The following HNRNPH1 variants were observed in gnomAD, a reference collection of about 807,000 sequenced individuals.
The protein encoded by HNRNPH1 is heterogeneous nuclear ribonucleoprotein H1, also known as heterogeneous nuclear ribonucleoprotein H.
In HNRNPH1, 4 loss-of-function variants were observed where a neutral mutation model predicts 58.6. That is an observed-to-expected ratio of 0.07 (90% CI 0.03 to 0.16). The LOEUF is 0.16. Among genes scored for constraint, HNRNPH1 ranks in the 10% least tolerant of loss-of-function variants. HNRNPH1 has a pLI of 1.00. For synonymous variants in HNRNPH1, 192 were observed against 189.2 expected (o/e 1.01, Z -0.12); for missense variants, 271 against 564.2 (o/e 0.48, Z 5.26).
chr5:179,620,829 AT>A (rs1165981295), intron 3 of HNRNPH1, 62 bp downstream of exon 4: 67 of 1,498,226 alleles, frequency 4.5e-5, no homozygotes, highest in Non-Finnish European at 6.1e-5. Flanking sequence ...TTTAACGTCT[AT>A]TAAATCACCT....
In HNRNPH1 at chr5:179,619,208, A is replaced by G. The variant is rs959789590; in HGVS notation, c.536+61T>C. 27 of 1,376,580 alleles carry G rather than the reference A, an allele frequency of 2.0e-5. No individual in the cohort carries two copies. In the African/African-American group the frequency reaches 3.4e-4, roughly 18 times the overall value. 85.3% of individuals were successfully genotyped at this position (1,376,580 alleles called of 1,614,324 possible). ...TAATTTCTTCTTTTAAGCAGAGAGA[A>G]TATGGATTTAATTGTTTACCATAAG... On this transcript the variant is annotated intron_variant, in intron 4 of 12. Transcript: ENST00000356731.
At chr5:179,634,781 G>A (rs1470748119) in exon 1 of HNRNPH1, 1 of 130,734 alleles carries the variant, frequency 7.6e-6, no homozygotes. Context: ...GGGGAACCGG[G>A]ACTGCCGTTG....
chr5:179,632,103 GA>G (rs1562373360), intron 2 of HNRNPH1, among the ~76,000 whole-genome samples: 1 of 151,874 alleles, frequency 6.6e-6, no homozygotes, highest in African/African-American at 2.4e-5. Flanking sequence ...TCAGGAGATC[GA>G]GACCATCCCG....
chr5:179,616,330 G>T, intron 10 of HNRNPH1, 112 bp from the exon 12 acceptor site: 1 of 854,448 alleles, frequency 1.2e-6, no homozygotes, highest in Non-Finnish European at 2.0e-6. Flanking sequence ...TTACATTACT[G>T]TAACCCTCTG....
intron 10 of HNRNPH1, chr5:179,616,473 G>A (rs1769742557): frequency 7.4e-6 from 4 of 539,070 alleles, no homozygotes; most frequent in Admixed American, 6.6e-5. Flanking sequence ...CGTAAGTAGA[G>A]GCATTTTGTG....
chr5:179,615,921 C>A, intron 11 of HNRNPH1: 1 of 530,594 alleles, frequency 1.9e-6, no homozygotes, highest in South Asian at 2.9e-5. Flanking sequence ...TGAAAATTAG[C>A]TAGTAAAAAC....
chr5:179,625,744 CTT>C (rs997304641), upstream of HNRNPH1, among the ~76,000 whole-genome samples: 10 of 150,626 alleles, frequency 6.6e-5, no homozygotes, highest in Non-Finnish European at 1.0e-4. Context: ...AATTGTCCAA[CTT>C]ATATTAAAAC....
At chr5:179,623,224 G>T (rs1358526370) in exon 1 of HNRNPH1, 2 of 881,580 alleles carry the variant, frequency 2.3e-6, no homozygotes, top group Non-Finnish European at 3.5e-6. Context: ...CGCCTCCGAG[G>T]CGCGCCCGGG....
In HNRNPH1 at chr5:179,616,861, A is replaced by G; in HGVS notation, c.1207+8T>C. 1 of 1,611,434 alleles carries G rather than the reference A, an allele frequency of 6.2e-7. No homozygotes were observed. The highest frequency in any genetic ancestry group is 1.3e-5 in the African/African-American group (1 of 74,960). On this transcript the variant is annotated splice_region_variant and intron_variant, in intron 10 of 12. Transcript: ENST00000356731. Reference sequence around the variant, plus strand: ...GTTTTGGTTTTTAAAAAAACTAACGATATTTACACAAGCCCATGCCTCCCA... The same window carrying G: ...GTTTTGGTTTTTAAAAAAACTAACGGTATTTACACAAGCCCATGCCTCCCA...
intron 3 of HNRNPH1, chr5:179,619,702 G>A (rs1771362993): frequency 1.4e-5 from 3 of 208,074 alleles, no homozygotes; most frequent in East Asian, 2.0e-4. Context: ...TTAATGTTGA[G>A]AATTATACAA....
chr5:179,622,687 G>C (rs1379874753), intron 1 of HNRNPH1, among the ~76,000 whole-genome samples: 1 of 152,132 alleles, frequency 6.6e-6, no homozygotes, highest in Non-Finnish European at 1.5e-5. Context: ...CTCCAGCTTG[G>C]GTGACAGAGA....
rs142832534 is a variant in HNRNPH1 at position 179,622,404 on chromosome 5, T to G, written c.97+633A>C. ...AGGAGGAAATCCCACCTATGCCAAT[T>G]TATCCTTTCGAAAAAAGACACCCGG... On this transcript the variant is annotated intron_variant, in intron 1 of 12. Transcript: ENST00000356731. Among the ~76,000 whole-genome samples the G allele has an allele frequency of 6.5e-4, 99 of 152,294 alleles. 1 individual carries two copies. The East Asian group carries it at 0.017, about 26-fold the overall frequency.
At chr5:179,617,745 G>A in intron 7 of HNRNPH1, 54 bp downstream of exon 8, 2 of 1,608,724 alleles carry the variant, frequency 1.2e-6, no homozygotes, top group East Asian at 2.2e-5. Flanking sequence ...TATAGAATAA[G>A]GCTGACTTAC....
At chr5:179,628,897 C>G (rs1351148048), upstream of HNRNPH1, among the ~76,000 whole-genome samples, 1 of 152,178 alleles carries the variant, frequency 6.6e-6, no homozygotes, top group Non-Finnish European at 1.5e-5. Flanking sequence ...GGGAGGATGG[C>G]TTGAACCCCA....
rs1464937323 is a variant in HNRNPH1, at chr5:179,623,179, G to A, written c.-46C>T. 7 of 1,422,210 alleles carry A rather than the reference G, an allele frequency of 4.9e-6. No homozygotes were observed. The highest frequency in any genetic ancestry group is 2.8e-5 in the African/African-American group (2 of 70,570). 88.1% of individuals were successfully genotyped at this position (1,422,210 alleles called of 1,614,324 possible). A position where few individuals can be genotyped will look rare whatever the true frequency, so the allele number is the denominator to read the frequency against. On this transcript the variant is annotated 5_prime_UTR_variant, in exon 1 of 13. Coordinates refer to ENST00000356731, the Ensembl canonical transcript of HNRNPH1. ...GTCGAAACAAACTGCAAAGCGGGGA[G>A]GACCAGAACTGAGAGCGCCAATTAA...
chr5:179,615,503 G>A (rs1166209026), intron 12 of HNRNPH1, 43 bp downstream of exon 13: 1 of 1,034,386 alleles, frequency 9.7e-7, no homozygotes, highest in Non-Finnish European at 1.5e-6. Context: ...CAACATATCA[G>A]TATTTGCTAT....
chr5:179,614,612 GAACTT>G lies in HNRNPH1; in HGVS notation c.*343_*347del, dbSNP rs1031337170. 2.0e-5 allele frequency: 7 copies of G among 352,874 alleles called. No individual in the cohort carries two copies. In the East Asian group the frequency reaches 2.8e-4, roughly 14 times the overall value. The allele number at this position is 352,874 out of a possible 1,614,324, so 21.9% of individuals were successfully genotyped here. A position where few individuals can be genotyped will look rare whatever the true frequency, so the allele number is the denominator to read the frequency against. On this transcript the variant is annotated 3_prime_UTR_variant, in exon 13 of 13. Transcript: ENST00000356731. ...CCTATAACTAACTTGAGAAAAGCTGGAACTTAAGTTTAACAGTTATAGTTTACTCA... is the reference window on the plus strand; with the variant it reads ...CCTATAACTAACTTGAGAAAAGCTGGAAGTTTAACAGTTATAGTTTACTCA...
intron 2 of HNRNPH1, among the ~76,000 whole-genome samples, chr5:179,632,174 G>A (rs191893494): frequency 6.6e-6 from 1 of 152,142 alleles, no homozygotes; most frequent in Non-Finnish European, 1.5e-5. Context: ...CGGGCGTGGT[G>A]GCGGGTGCCT....
chr5:179,618,410 A>C, intron 4 of HNRNPH1, 87 bp from the exon 6 acceptor site: 1 of 910,530 alleles, frequency 1.1e-6, no homozygotes. Flanking sequence ...ACAAGAAAAC[A>C]ATCTAGTCAT....
Sources: allele counts gnomAD v4.1 joint callset (sites outside exome capture counted in the v4.1 genomes callset), GRCh38; gene constraint gnomAD v4.1.1; transcripts MANE v1.5; gene names NCBI Gene and HGNC (gene_info 2026-07-23, HGNC 2026-07-21).